ATF6: variants seen among roughly 807,000 people sequenced by gnomAD.
The protein encoded by ATF6 is activating transcription factor 6.
A neutral mutation model predicts 83.6 loss-of-function variants in ATF6; 53 were observed. That is an observed-to-expected ratio of 0.63 (90% CI 0.51 to 0.80). ATF6 has a LOEUF of 0.80. Ranked by LOEUF, ATF6 falls within the 30% of genes least tolerant of loss-of-function variation. The probability of loss-of-function intolerance (pLI) is 0.00; values close to 1 mark genes in which losing one functional copy is unlikely to be tolerated. For missense variants in ATF6, 744 were observed against 797.9 expected (o/e 0.93, Z 0.81); for synonymous variants, 288 against 285.8 (o/e 1.01, Z -0.08).
At chr1:161,880,093 G>A (rs1207952062) in intron 14 of ATF6, among the ~76,000 whole-genome samples, 1 of 151,948 alleles carries the variant, frequency 6.6e-6, no homozygotes, top group Non-Finnish European at 1.5e-5. Flanking sequence ...TAAAATCCTT[G>A]TGTTCAGATT....
At position 161,947,810 on chromosome 1, in the gene ATF6, C is replaced by CTTTTTTTTTTTT. The variant is rs10524670; in HGVS notation, c.1805-10616_1805-10605dup. On this transcript the variant is annotated intron_variant, in intron 15 of 15. Transcript: ENST00000367942. Reference sequence around the variant, plus strand: ...ATATTCCATAGTCCTTAAGCCACGCCTTTTTTTTTTTTTTTTTTTTTTTTT... The same window carrying CTTTTTTTTTTTT: ...ATATTCCATAGTCCTTAAGCCACGCCTTTTTTTTTTTTTTTTTTTTTTTTTTTTTTTTTTTTT... Among the ~76,000 whole-genome samples the CTTTTTTTTTTTT allele has an allele frequency of 8.2e-4, 47 of 57,580 alleles. 6 individuals are homozygous for CTTTTTTTTTTTT. The highest frequency in any genetic ancestry group is 3.5e-3 in the East Asian group (5 of 1,440). 37.8% of individuals were successfully genotyped at this position (57,580 alleles called of 152,430 possible). A position where few individuals can be genotyped will look rare whatever the true frequency, so the allele number is the denominator to read the frequency against.
chr1:161,814,339 AT>A (rs1045248322), intron 7 of ATF6, among the ~76,000 whole-genome samples: 13 of 152,204 alleles, frequency 8.5e-5, no homozygotes, highest in African/African-American at 2.9e-4. Context: ...TGCTGAGAGC[AT>A]CTGGTGCATA....
intron 15 of ATF6, among the ~76,000 whole-genome samples, chr1:161,923,190 A>G (rs530140476): frequency 6.6e-6 from 1 of 151,936 alleles, no homozygotes; most frequent in South Asian, 2.1e-4. Flanking sequence ...ATCTAACACT[A>G]CTCAAAGATA....
At chr1:161,920,497 T>C (rs968181711) in intron 15 of ATF6, among the ~76,000 whole-genome samples, 6 of 151,918 alleles carry the variant, frequency 3.9e-5, no homozygotes, top group Non-Finnish European at 5.9e-5. Flanking sequence ...GGTTTCATGA[T>C]GTTAGCCAGG....
intron 6 of ATF6, among the ~76,000 whole-genome samples, 198 bp from the exon 7 acceptor site, chr1:161,801,854 A>T (rs1685156062): frequency 6.6e-6 from 1 of 152,198 alleles, no homozygotes; most frequent in Non-Finnish European, 1.5e-5. Context: ...AAAGAGATGA[A>T]TTTAGTTGGT....
intron 15 of ATF6, among the ~76,000 whole-genome samples, chr1:161,948,215 C>A (rs1285689269): frequency 2.0e-5 from 3 of 152,142 alleles, no homozygotes; most frequent in African/African-American, 7.2e-5. Context: ...ACTAGTTGTT[C>A]AATCATGAAT....
intron 15 of ATF6, among the ~76,000 whole-genome samples, chr1:161,949,704 A>G (rs1204346318): frequency 2.0e-5 from 3 of 152,156 alleles, no homozygotes; most frequent in Non-Finnish European, 4.4e-5. Flanking sequence ...GAAAGAGGGA[A>G]GATGCCAGAC....
At chr1:161,947,516 A>G (rs1424577229) in intron 15 of ATF6, among the ~76,000 whole-genome samples, 1 of 152,196 alleles carries the variant, frequency 6.6e-6, no homozygotes, top group Non-Finnish European at 1.5e-5. Flanking sequence ...AGTTAGTTTA[A>G]TGAGAGTCTT....
Position 161,792,251 on chromosome 1 carries a change from T to C in ATF6, c.612T>C (p.Ile204=), listed in dbSNP as rs1684899754. The change falls in exon 6 of 16, where the codon ATT becomes ATC. Residue 204 remains isoleucine, a synonymous_variant. Transcript: ENST00000367942. Reference sequence around the variant, plus strand: ...CCAGTGTTCCAGCAAAAACCATCATTATTCAGACAGTACCAACGCTTATGC... The same window carrying C: ...CCAGTGTTCCAGCAAAAACCATCATCATTCAGACAGTACCAACGCTTATGC... ...TNSSVPAKTI[I]IQTVPTLMPL... is the part of the protein sequence containing the mutation. 4 of 1,614,108 alleles carry C rather than the reference T, an allele frequency of 2.5e-6. No individual in the cohort carries two copies. The highest frequency in any genetic ancestry group is 3.4e-6 in the Non-Finnish European group (4 of 1,180,006).
At chr1:161,880,595 T>C (rs1458756434) in intron 14 of ATF6, among the ~76,000 whole-genome samples, 1 of 152,162 alleles carries the variant, frequency 6.6e-6, no homozygotes, top group Non-Finnish European at 1.5e-5. Context: ...TGGTGTTGCT[T>C]GTATCAGTAG....
At chr1:161,910,650 A>G (rs972179123) in intron 14 of ATF6, among the ~76,000 whole-genome samples, 1 of 152,162 alleles carries the variant, frequency 6.6e-6, no homozygotes, top group African/African-American at 2.4e-5. Flanking sequence ...GGGGCTTGCA[A>G]GTTTTTTGGT....
intron 9 of ATF6, among the ~76,000 whole-genome samples, chr1:161,833,659 A>T (rs1686132923): frequency 6.6e-6 from 1 of 152,244 alleles, no homozygotes. Context: ...GGTATCAGCG[A>T]TGGAAGACGA....
chr1:161,888,681 T>C (rs1256338310), intron 14 of ATF6, among the ~76,000 whole-genome samples: 1 of 152,212 alleles, frequency 6.6e-6, no homozygotes, highest in Non-Finnish European at 1.5e-5. Context: ...TCACCACTGC[T>C]TTAAATGAGG....
At chr1:161,811,717 TATCCATCC>T (rs1244383260) in intron 7 of ATF6, among the ~76,000 whole-genome samples, 1 of 149,552 alleles carries the variant, frequency 6.7e-6, no homozygotes, top group Non-Finnish European at 1.5e-5. Context: ...ATCCATCCAC[TATCCATCC>T]ATCCATCCAC....
Position 161,960,086 on chromosome 1 carries a change from G to T in ATF6, c.*1432G>T, listed in dbSNP as rs1689065143. The T allele has an allele frequency of 1.7e-5, 1 of 60,464 alleles. No homozygotes were observed. The highest frequency in any genetic ancestry group is 1.2e-4 in the Admixed American group (1 of 8,656). 3.7% of individuals were successfully genotyped at this position (60,464 alleles called of 1,614,324 possible). A position where few individuals can be genotyped will look rare whatever the true frequency, so the allele number is the denominator to read the frequency against. On this transcript the variant is annotated 3_prime_UTR_variant, in exon 16 of 16. Coordinates refer to ENST00000367942, the MANE Select transcript of ATF6 (RefSeq NM_007348.4). ...GAATTAAATCTTTTGTCCTCCCATG[G>T]TTAAAAAAAAAAAAAAAGCTGTGTT...
rs753194226 is a variant in ATF6, at chr1:161,958,600, C to T, written c.1959C>T (p.Pro653=). 6.2e-7 allele frequency: 1 copy of T among 1,613,942 alleles called. No homozygotes were observed. Among genetic ancestry groups the T allele is most frequent in the Non-Finnish European group, 8.5e-7 (1 of 1,179,958 alleles). ...CCAACACCTTCTTTGGCTCCCCTCCCGCAGCCACAGAGGCAACCCACGTTG... is the reference window on the plus strand; with the variant it reads ...CCAACACCTTCTTTGGCTCCCCTCCTGCAGCCACAGAGGCAACCCACGTTG... ...NQTNTFFGSP[P]AATEATHVVS... The change falls in exon 16 of 16, where the codon CCC becomes CCT. Residue 653 remains proline, a synonymous_variant. Transcript: ENST00000367942.
Position 161,821,155 on chromosome 1 carries a change from C to T in ATF6, c.1181C>T (p.Pro394Leu), listed in dbSNP as rs1460839448. ...GCATTTATAATACTGAACTATGGAC[C>T]TATGAGGTAAGTGAATAGATATTTA... ...VLAFIILNYG[P>L]MSMLEQDSRR... Residue 394 changes from proline (P) to leucine (L), a missense_variant, in exon 9 of 16, where the codon CCT (proline) becomes CTT (leucine). Transcript: ENST00000367942. 2 of 1,595,252 alleles carry T rather than the reference C, an allele frequency of 1.3e-6. No individual in the cohort carries two copies. Among genetic ancestry groups the T allele is most frequent in the Admixed American group, 3.5e-5 (2 of 57,970 alleles).
Position 161,838,988 on chromosome 1 carries a change from C to G in ATF6, c.1188-7461C>G, listed in dbSNP as rs147055471. On this transcript the variant is annotated intron_variant, in intron 9 of 15. Coordinates refer to ENST00000367942, the MANE Select transcript of ATF6 (RefSeq NM_007348.4). ...AAATTTGGAAACTACCTTGAAAACT[C>G]CCCATTTTTTCCTCCTTTTAGTCTC... Among the ~76,000 whole-genome samples the G allele has an allele frequency of 3.9e-5, 6 of 152,242 alleles. No homozygotes were observed. In the East Asian group the frequency reaches 1.2e-3, roughly 29 times the overall value.
chr1:161,879,741 A>G (rs1441267182), intron 14 of ATF6, among the ~76,000 whole-genome samples: 2 of 152,032 alleles, frequency 1.3e-5, no homozygotes, highest in Non-Finnish European at 2.9e-5. Context: ...TGCTGACATC[A>G]TCAGGCATCT....
Sources: allele counts gnomAD v4.1 joint callset (sites outside exome capture counted in the v4.1 genomes callset), GRCh38; gene constraint gnomAD v4.1.1; transcripts MANE v1.5; gene names NCBI Gene and HGNC (gene_info 2026-07-23, HGNC 2026-07-21).